Variants in PCNX2 observed in about 807,000 individuals in gnomAD.
PCNX2 encodes pecanex 2.
In PCNX2, 168 loss-of-function variants were observed where a neutral mutation model predicts 223.8. That is an observed-to-expected ratio of 0.75 (90% CI 0.66 to 0.85). The LOEUF (loss-of-function observed/expected upper bound fraction) is 0.85, where lower values mean the gene tolerates loss of function less well. PCNX2 is among the 40% of genes least tolerant of loss of function. The pLI is 0.00. For missense variants in PCNX2, 2,507 were observed against 2,675.5 expected, an observed-to-expected ratio of 0.94 and a Z score of 1.39; for synonymous variants, 1,006 against 1,052.6, an observed-to-expected ratio of 0.96 and a Z score of 0.86.
At position 232,986,361 on chromosome 1, in the gene PCNX2, C is replaced by T. The variant is rs1441893619; in HGVS notation, c.5971G>A (p.Ala1991Thr). 1.2e-6 allele frequency: 2 copies of T among 1,601,136 alleles called. No homozygotes were observed. Among genetic ancestry groups the T allele is most frequent in the South Asian group, 1.1e-5 (1 of 88,806 alleles). Residue 1991 changes from alanine to threonine, a missense_variant, in exon 33 of 34, where the codon GCC (alanine) becomes ACC (threonine). Ala to Thr is a moderately conservative substitution (Grantham distance 58). This residue lies in a region of PCNX2 where 1,372 missense variants were observed against 1,509.4 expected (regional missense o/e 0.91). Transcript: ENST00000258229. ...GGGGGCTGAGAGTGCAGGGACGTGG[C>T]CGAGGCGTGCAAGGAGAGCCGGCTG... ...SGSRLSLHAS[A>T]TSLHSQPPPV...
At chr1:233,208,471 T>C in intron 13 of PCNX2, 47 bp downstream of exon 13, 6 of 1,550,802 alleles carry the variant, frequency 3.9e-6, no homozygotes, top group Non-Finnish European at 5.3e-6. Context: ...AGGGGAGACA[T>C]ACCCCCAACC....
intron 25 of PCNX2, among the ~76,000 whole-genome samples, chr1:233,035,512 T>C (rs911209077): frequency 2.6e-5 from 4 of 152,190 alleles, no homozygotes; most frequent in Non-Finnish European, 5.9e-5. Context: ...TGCATATACC[T>C]AGCACTGAGG....
intron 21 of PCNX2, among the ~76,000 whole-genome samples, chr1:233,124,095 A>G (rs765444339): frequency 2.0e-5 from 3 of 152,146 alleles, no homozygotes; most frequent in Non-Finnish European, 4.4e-5. Context: ...TCTTCTCCTC[A>G]TTCTCATTCT....
Position 233,292,844 on chromosome 1 carries a change from A to G in PCNX2, c.153+2482T>C, listed in dbSNP as rs570307229. On this transcript the variant is annotated intron_variant, in intron 1 of 33. Coordinates refer to ENST00000258229, the MANE Select transcript of PCNX2 (RefSeq NM_014801.4). ...CGCAGGCTATATATTAAAAAGTAGC[A>G]TAACAGTAACTGTACCCACATACAA... Among the ~76,000 whole-genome samples, 4 of 152,344 alleles carry G rather than the reference A, an allele frequency of 2.6e-5. No individual in the cohort carries two copies. In the East Asian group the frequency reaches 7.7e-4, roughly 29 times the overall value.
intron 9 of PCNX2, chr1:233,231,714 CA>C (rs1658074327): frequency 1.0e-6 from 1 of 967,584 alleles, no homozygotes; most frequent in Non-Finnish European, 1.2e-6. Context: ...TAACTCCTAA[CA>C]GCTATCAAAC....
the PCNX2 span, among the ~76,000 whole-genome samples, chr1:233,310,110 T>C: frequency 6.6e-6 from 1 of 152,276 alleles, no homozygotes; most frequent in South Asian, 2.1e-4. Flanking sequence ...GAGTCTATAT[T>C]CATGAAAGAA....
At chr1:233,302,434 A>G in the PCNX2 span, among the ~76,000 whole-genome samples, 12 of 152,012 alleles carry the variant, frequency 7.9e-5, no homozygotes, top group African/African-American at 2.9e-4. Context: ...TCATTCTTTC[A>G]TGATTATTCA....
rs1391473127 is a variant in PCNX2, at chr1:233,139,366, T to C, written c.3659+348A>G. ...AAATGAAATGACATGAAGCAGTTCA[T>C]AAAGCTCTAAGCATGATGTTAAGAA... On this transcript the variant is annotated intron_variant, in intron 20 of 33. Transcript: ENST00000258229. This position sits in a 1 kb window ranked among gnomAD's most constrained non-coding sequence, Gnocchi z 4.4. Among the ~76,000 whole-genome samples the C allele has an allele frequency of 1.3e-5, 2 of 152,298 alleles. No individual in the cohort carries two copies. Among genetic ancestry groups the C allele is most frequent in the East Asian group, 1.9e-4 (1 of 5,192 alleles).
chr1:233,159,357 C>T (rs1288391938), intron 19 of PCNX2, among the ~76,000 whole-genome samples: 1 of 152,134 alleles, frequency 6.6e-6, no homozygotes, highest in Non-Finnish European at 1.5e-5. Flanking sequence ...TTCCTTTTGT[C>T]ACACCAGTCT....
the PCNX2 span, among the ~76,000 whole-genome samples, chr1:233,302,914 T>C: frequency 6.6e-6 from 1 of 152,158 alleles, no homozygotes; most frequent in Non-Finnish European, 1.5e-5. Context: ...GCAAAGAATA[T>C]GATTAGTTTT....
chr1:233,060,441 T>C (rs1393047635), intron 23 of PCNX2, among the ~76,000 whole-genome samples: 1 of 152,212 alleles, frequency 6.6e-6, no homozygotes, highest in African/African-American at 2.4e-5. Context: ...CAGAAGCCTA[T>C]AGAACACAGT....
At chr1:233,042,620 T>A (rs1252839431) in intron 25 of PCNX2, among the ~76,000 whole-genome samples, 1 of 152,186 alleles carries the variant, frequency 6.6e-6, no homozygotes, top group Non-Finnish European at 1.5e-5. Flanking sequence ...AAATATGTCC[T>A]GTGGTGGAAT....
chr1:233,034,224 C>T (rs968717873), intron 25 of PCNX2, among the ~76,000 whole-genome samples: 2 of 152,032 alleles, frequency 1.3e-5, no homozygotes, highest in African/African-American at 4.8e-5. Context: ...AACAAACAAA[C>T]AAAGAAACAA....
rs3180632 is a variant in PCNX2, at chr1:232,984,135, T to A, written c.*169A>T. ...TTTTTTTTTTTTTTTTTTTTTTTTT[T>A]CAAAAACCTGAGATCAGTTCTGTGT... On this transcript the variant is annotated 3_prime_UTR_variant, in exon 34 of 34. Coordinates refer to ENST00000258229, the MANE Select transcript of PCNX2 (RefSeq NM_014801.4). 42 of 120,332 alleles carry A rather than the reference T, an allele frequency of 3.5e-4. No homozygotes were observed. Among genetic ancestry groups the A allele is most frequent in the Non-Finnish European group, 5.2e-4 (30 of 58,032 alleles). 7.5% of individuals were successfully genotyped at this position (120,332 alleles called of 1,614,324 possible). A position where few individuals can be genotyped will look rare whatever the true frequency, so the allele number is the denominator to read the frequency against.
chr1:233,307,255 G>GT, the PCNX2 span, among the ~76,000 whole-genome samples: 1 of 152,156 alleles, frequency 6.6e-6, no homozygotes, highest in Non-Finnish European at 1.5e-5. Flanking sequence ...GTGGAGGTGG[G>GT]TGTGGTGGGA....
At chr1:233,062,731 T>C (rs1672449937) in intron 23 of PCNX2, among the ~76,000 whole-genome samples, 1 of 152,338 alleles carries the variant, frequency 6.6e-6, no homozygotes, top group Non-Finnish European at 1.5e-5. Context: ...TCCATCTTCA[T>C]AGTTTATGTT....
rs557864202 is a variant in PCNX2, at chr1:233,000,039, G to A, written c.5328+266C>T. 6.6e-6 allele frequency among the ~76,000 whole-genome samples: 1 copy of A among 152,330 alleles called. No homozygotes were observed. Among genetic ancestry groups the A allele is most frequent in the African/African-American group, 2.4e-5 (1 of 41,578 alleles). ...TATCCTGACTCTCACTTACATGTGT[G>A]TCTACTGGGTCTTCTTGGCAAAGTC... On this transcript the variant is annotated intron_variant, in intron 30 of 33. Transcript: ENST00000258229. This position sits in a 1 kb window ranked among gnomAD's most constrained non-coding sequence, Gnocchi z 4.6.
chr1:232,987,251 G>T (rs1457458739), intron 32 of PCNX2, among the ~76,000 whole-genome samples: 2 of 152,226 alleles, frequency 1.3e-5, no homozygotes, highest in Non-Finnish European at 2.9e-5. Context: ...TTTGACAAAA[G>T]GGACTGGACT....
In PCNX2 at chr1:233,057,089, C is replaced by T. The variant is rs1672217516; in HGVS notation, c.4135+143G>A. ...TCAGGTTGCTTGATCACTCTACCTGCACAGTTTTATTCCACATTCAGCAGA... is the reference window on the plus strand; with the variant it reads ...TCAGGTTGCTTGATCACTCTACCTGTACAGTTTTATTCCACATTCAGCAGA... On this transcript the variant is annotated intron_variant, in intron 24 of 33. Coordinates refer to ENST00000258229, the MANE Select transcript of PCNX2 (RefSeq NM_014801.4). 4.0e-6 allele frequency: 3 copies of T among 746,054 alleles called. No homozygotes were observed. The Admixed American group carries it at 8.1e-5, about 20-fold the overall frequency. 46.2% of individuals were successfully genotyped at this position (746,054 alleles called of 1,614,324 possible).
Sources: gnomAD v4.1 joint callset for allele counts (sites outside exome capture counted in the v4.1 genomes callset) on GRCh38, gnomAD v4.1.1 for gene constraint, gnomAD v4.1.1 regional missense constraint, Gnocchi (gnomAD v3.1) non-coding constraint, MANE v1.5 for transcripts, NCBI Gene and HGNC (gene_info 2026-07-23, HGNC 2026-07-21) for gene names.